Variants in CDH20 observed in about 807,000 individuals in gnomAD.
The protein encoded by CDH20 is cadherin-20.
Under a neutral mutation model 74.2 loss-of-function variants are expected in CDH20, and 29 were observed. That is an observed-to-expected ratio of 0.39 (90% confidence interval 0.29 to 0.53). The LOEUF (loss-of-function observed/expected upper bound fraction) is 0.53. Ranked by LOEUF, CDH20 falls within the 20% of genes least tolerant of loss-of-function variation. The pLI is 0.69. For synonymous variants in CDH20, 469 were observed against 405.4 expected (o/e 1.16, Z -1.88); for missense variants, 988 against 1,048.3 (o/e 0.94, Z 0.79).
At chr18:61,538,600 T>C (rs1210248423) in intron 8 of CDH20, among the ~76,000 whole-genome samples, 5 of 30,136 alleles carry the variant, frequency 1.7e-4, no homozygotes, top group Admixed American at 5.0e-4. Context: ...TTGTTTGTTT[T>C]TGTTTTTGTT....
chr18:61,388,469 TC>T (rs1254489400), intron 1 of CDH20, among the ~76,000 whole-genome samples: 1 of 152,190 alleles, frequency 6.6e-6, no homozygotes, highest in East Asian at 1.9e-4. Flanking sequence ...GCATGCCTCA[TC>T]TGTCTCAATC....
intron 1 of CDH20, among the ~76,000 whole-genome samples, chr18:61,387,683 C>A (rs1035701730): frequency 1.3e-5 from 2 of 152,166 alleles, no homozygotes; most frequent in African/African-American, 4.8e-5. Flanking sequence ...TGTGTGTATA[C>A]ATAGACATCA....
intron 1 of CDH20, among the ~76,000 whole-genome samples, chr18:61,336,003 G>C (rs1276592014): frequency 6.6e-6 from 1 of 152,152 alleles, no homozygotes; most frequent in Non-Finnish European, 1.5e-5. Flanking sequence ...TTTCTGCCCT[G>C]TAAAATTTTA....
At chr18:61,378,483 T>C (rs986883214) in intron 1 of CDH20, among the ~76,000 whole-genome samples, 5 of 152,226 alleles carry the variant, frequency 3.3e-5, no homozygotes, top group Non-Finnish European at 7.3e-5. Context: ...AGATGATGCC[T>C]GCTCGCGTTG....
At position 61,362,594 on chromosome 18, in the gene CDH20, G is replaced by A. The variant is rs555386203; in HGVS notation, c.-153+28767G>A. ...TATGTTAGACAGTAATAAGTACTAC[G>A]GAGATGAAAGTATGAGGAAGAGGAG... On this transcript the variant is annotated intron_variant, in intron 1 of 11. Coordinates refer to ENST00000262717, the MANE Select transcript of CDH20 (RefSeq NM_031891.4). 1.2e-4 allele frequency among the ~76,000 whole-genome samples: 18 copies of A among 152,172 alleles called. 1 individual carries two copies. Among genetic ancestry groups the A allele is most frequent in the African/African-American group, 2.9e-4 (12 of 41,522 alleles).
chr18:61,519,266 A>G lies in CDH20; in HGVS notation c.1018-8701A>G, dbSNP rs146903534. On this transcript the variant is annotated intron_variant, in intron 6 of 11. Coordinates refer to ENST00000262717, the MANE Select transcript of CDH20 (RefSeq NM_031891.4). ...GCCAACATTCAAATTCAGGAAATACAGAGAACACCACAAAGATACTCCTCG... is the reference window on the plus strand; with the variant it reads ...GCCAACATTCAAATTCAGGAAATACGGAGAACACCACAAAGATACTCCTCG... 1.8e-3 allele frequency among the ~76,000 whole-genome samples: 270 copies of G among 151,328 alleles called. 10 individuals carry two copies. The highest frequency in any genetic ancestry group is 5.7e-3 in the African/African-American group (231 of 40,782).
At chr18:61,457,881 C>T (rs142802815) in intron 1 of CDH20, among the ~76,000 whole-genome samples, 2 of 152,318 alleles carry the variant, frequency 1.3e-5, no homozygotes, top group African/African-American at 4.8e-5. Context: ...TGACCTCACA[C>T]AGCTGCTACC....
chr18:61,412,075 A>G lies in CDH20; in HGVS notation c.-153+78248A>G, dbSNP rs183284729. Among the ~76,000 whole-genome samples the G allele has an allele frequency of 1.4e-3, 208 of 152,192 alleles. 3 individuals carry two copies. The highest frequency in any genetic ancestry group is 4.8e-3 in the African/African-American group (200 of 41,564). On this transcript the variant is annotated intron_variant, in intron 1 of 11. Coordinates refer to ENST00000262717, the MANE Select transcript of CDH20 (RefSeq NM_031891.4). ...ACATTTATGGCAAAAAAAAAGCACT[A>G]TAAGTAAAATTAAAAGATACATGAT...
chr18:61,538,509 T>A (rs1344985434), intron 8 of CDH20, among the ~76,000 whole-genome samples: 1 of 151,924 alleles, frequency 6.6e-6, no homozygotes, highest in Non-Finnish European at 1.5e-5. Flanking sequence ...ATGGATCCTA[T>A]GCTCTTGCTA....
Position 61,495,523 on chromosome 18 carries a change from G to A in CDH20, c.247-3663G>A, listed in dbSNP as rs141099884. Among the ~76,000 whole-genome samples, 473 of 152,294 alleles carry A rather than the reference G, an allele frequency of 3.1e-3. 2 individuals are homozygous for A. Among genetic ancestry groups the A allele is most frequent in the African/African-American group, 0.011 (445 of 41,560 alleles). ...GTACTAGAGGGAGCCCAGGAGGCAG[G>A]AGGAGGGAGGAGTGACTTGCTCCTC... On this transcript the variant is annotated intron_variant, in intron 2 of 11. Transcript: ENST00000262717.
chr18:61,540,637 C>CA (rs1179089817), intron 9 of CDH20, among the ~76,000 whole-genome samples: 2 of 152,122 alleles, frequency 1.3e-5, no homozygotes, highest in Non-Finnish European at 2.9e-5. Flanking sequence ...AGGTCCCTCC[C>CA]ACAACATGTG....
intron 1 of CDH20, among the ~76,000 whole-genome samples, chr18:61,484,741 ACACACACAC>A: frequency 5.6e-3 from 1 of 180 alleles, no homozygotes; most frequent in Non-Finnish European, 0.016. Flanking sequence ...TCTACTCCAC[ACACACACAC>A]ACACACACAC....
intron 1 of CDH20, among the ~76,000 whole-genome samples, chr18:61,382,170 C>T (rs1911453564): frequency 6.6e-6 from 1 of 152,180 alleles, no homozygotes; most frequent in African/African-American, 2.4e-5. Context: ...ACATCATGGA[C>T]TGTTTTAAAT....
intron 11 of CDH20, 87 bp downstream of exon 11, chr18:61,550,316 A>C: frequency 6.7e-7 from 1 of 1,482,336 alleles, no homozygotes. Flanking sequence ...ACAGCTATTC[A>C]GAACTGGTCT....
Position 61,525,196 on chromosome 18 carries a change from A to G in CDH20, c.1018-2771A>G, listed in dbSNP as rs529631431. Among the ~76,000 whole-genome samples, 3 of 152,324 alleles carry G rather than the reference A, an allele frequency of 2.0e-5. No homozygotes were observed. The South Asian group carries it at 6.2e-4, about 32-fold the overall frequency. On this transcript the variant is annotated intron_variant, in intron 6 of 11. Coordinates refer to ENST00000262717, the MANE Select transcript of CDH20 (RefSeq NM_031891.4). ...CGGTAGACACATGACTGAATACACT[A>G]GTCAAAACCTGCCAACTTTATACTA...
chr18:61,354,834 G>C (rs1910444784), intron 1 of CDH20, among the ~76,000 whole-genome samples: 1 of 151,928 alleles, frequency 6.6e-6, no homozygotes, highest in Non-Finnish European at 1.5e-5. Flanking sequence ...TTCTAGGTTT[G>C]AGCTACCTAC....
intron 1 of CDH20, among the ~76,000 whole-genome samples, chr18:61,461,769 G>T (rs917600077): frequency 6.6e-6 from 1 of 152,100 alleles, no homozygotes; most frequent in South Asian, 2.1e-4. Context: ...GAATTTTCTG[G>T]GGTCCAAATA....
intron 1 of CDH20, among the ~76,000 whole-genome samples, chr18:61,425,659 A>G (rs1913045886): frequency 6.6e-6 from 1 of 152,194 alleles, no homozygotes; most frequent in Non-Finnish European, 1.5e-5. Context: ...AGCTATGAGG[A>G]TGAAAAGCAT....
intron 6 of CDH20, among the ~76,000 whole-genome samples, chr18:61,516,526 T>A (rs1403348091): frequency 6.6e-6 from 1 of 152,244 alleles, no homozygotes; most frequent in Non-Finnish European, 1.5e-5. Flanking sequence ...ATAATTTTCA[T>A]GACTCAATTT....
Sources: allele counts gnomAD v4.1 joint callset (sites outside exome capture counted in the v4.1 genomes callset), GRCh38; gene constraint gnomAD v4.1.1; transcripts MANE v1.5; gene names NCBI Gene and HGNC (gene_info 2026-07-23, HGNC 2026-07-21).